The following VPS13B variants were observed in gnomAD, a reference collection of about 807,000 sequenced individuals.
VPS13B encodes the protein vacuolar protein sorting 13 homolog B, also known as intermembrane lipid transfer protein VPS13B.
In VPS13B, 285 loss-of-function variants were observed where a neutral mutation model predicts 426.4. That is an observed-to-expected ratio of 0.67 (90% CI 0.61 to 0.74). VPS13B has a LOEUF of 0.74. Ranked by LOEUF, VPS13B falls within the 30% of genes least tolerant of loss-of-function variation. The pLI, the probability that VPS13B is intolerant of heterozygous loss-of-function variation, is 0.00. For synonymous variants in VPS13B, 1,676 were observed against 1,676.4 expected (o/e 1.00, Z 0.01); for missense variants, 4,537 against 4,782.6 (o/e 0.95, Z 1.51).
At chr8:99,080,624 G>A (rs1469408848) in intron 3 of VPS13B, among the ~76,000 whole-genome samples, 2 of 152,070 alleles carry the variant, frequency 1.3e-5, no homozygotes, top group African/African-American at 2.4e-5. Context: ...TCATAATGTG[G>A]GGTGGAGGTA....
intron 60 of VPS13B, 27 bp from the exon 61 acceptor site, chr8:99,871,420 CT>C (rs1210188437): frequency 2.5e-6 from 4 of 1,614,036 alleles, no homozygotes; most frequent in Admixed American, 3.3e-5. Flanking sequence ...CAGCTGGCCC[CT>C]GGCCTCACTT....
At chr8:99,576,639 T>A (rs1258886583) in intron 32 of VPS13B, among the ~76,000 whole-genome samples, 1 of 152,192 alleles carries the variant, frequency 6.6e-6, no homozygotes, top group Admixed American at 6.5e-5. Flanking sequence ...AAGGGGAAGA[T>A]CTGTTGGACA....
intron 16 of VPS13B, among the ~76,000 whole-genome samples, chr8:99,178,154 AT>A (rs1812739303): frequency 6.8e-6 from 1 of 146,646 alleles, no homozygotes; most frequent in Admixed American, 6.7e-5. Context: ...TTTATTTTTT[AT>A]TTTATTTTTT....
At chr8:99,273,343 T>G (rs1271766604) in intron 17 of VPS13B, among the ~76,000 whole-genome samples, 1 of 151,938 alleles carries the variant, frequency 6.6e-6, no homozygotes, top group Non-Finnish European at 1.5e-5. Flanking sequence ...ACTTTTTTTT[T>G]TTTTAGTAGA....
chr8:99,636,495 A>T (rs1829073627), intron 33 of VPS13B, among the ~76,000 whole-genome samples: 1 of 151,962 alleles, frequency 6.6e-6, no homozygotes, highest in Non-Finnish European at 1.5e-5. Context: ...GTTCCATTTA[A>T]CATAACCCAT....
intron 35 of VPS13B, among the ~76,000 whole-genome samples, chr8:99,671,759 G>C (rs1174196430): frequency 6.6e-6 from 1 of 152,066 alleles, no homozygotes; most frequent in East Asian, 1.9e-4. Context: ...CTAGTGTCAA[G>C]GGATCCTCCT....
At chr8:99,579,626 G>A (rs969155575) in intron 33 of VPS13B, among the ~76,000 whole-genome samples, 3 of 151,690 alleles carry the variant, frequency 2.0e-5, no homozygotes, top group Admixed American at 6.6e-5. Context: ...TCTCCAACTC[G>A]TGACCTCGTG....
At chr8:99,509,510 T>A (rs1821675023) in intron 28 of VPS13B, among the ~76,000 whole-genome samples, 1 of 152,138 alleles carries the variant, frequency 6.6e-6, no homozygotes, top group Non-Finnish European at 1.5e-5. Context: ...GATAACTGAA[T>A]TGCATATTTT....
intron 17 of VPS13B, among the ~76,000 whole-genome samples, chr8:99,271,850 C>A (rs1192520705): frequency 6.6e-6 from 1 of 152,190 alleles, no homozygotes. Context: ...CCAGTTACTT[C>A]CCACCTGGTT....
At chr8:99,188,479 G>A (rs894176418) in intron 16 of VPS13B, among the ~76,000 whole-genome samples, 24 of 152,044 alleles carry the variant, frequency 1.6e-4, no homozygotes, top group Admixed American at 1.5e-3. Flanking sequence ...TTCATCAGTT[G>A]GGGTACATTT....
intron 7 of VPS13B, among the ~76,000 whole-genome samples, chr8:99,118,760 A>G (rs1478528950): frequency 6.6e-6 from 1 of 152,192 alleles, no homozygotes; most frequent in Non-Finnish European, 1.5e-5. Context: ...TGAATATACC[A>G]TGTGAATATA....
chr8:99,027,463 T>C (rs368759229), intron 2 of VPS13B, among the ~76,000 whole-genome samples: 120 of 152,254 alleles, frequency 7.9e-4, no homozygotes, highest in African/African-American at 2.4e-3. Context: ...CACTTCTTCA[T>C]GTTTTCATGA....
At chr8:99,427,388 G>C (rs1287284144) in intron 21 of VPS13B, among the ~76,000 whole-genome samples, 1 of 144,210 alleles carries the variant, frequency 6.9e-6, no homozygotes, top group African/African-American at 2.6e-5. Flanking sequence ...GATTGACTTG[G>C]CAATGCGGGC....
chr8:99,622,262 G>A (rs1828392941), intron 33 of VPS13B, among the ~76,000 whole-genome samples: 1 of 152,120 alleles, frequency 6.6e-6, no homozygotes, highest in Non-Finnish European at 1.5e-5. Flanking sequence ...ATTTTCTCCA[G>A]TTTATGTTGT....
intron 60 of VPS13B, 188 bp downstream of exon 60, chr8:99,871,075 C>A: frequency 3.0e-6 from 2 of 668,766 alleles, no homozygotes; most frequent in Non-Finnish European, 5.2e-6. Flanking sequence ...AGGTTTGGGG[C>A]TGGCTGCACA....
intron 17 of VPS13B, among the ~76,000 whole-genome samples, chr8:99,270,157 T>TTTTTTTTTTTTTTTTTTTTTTA (rs1491533254): frequency 7.5e-6 from 1 of 133,746 alleles, no homozygotes; most frequent in Non-Finnish European, 1.6e-5. Flanking sequence ...TTTTTTTTTT[T>TTTTTTTTTTTTTTTTTTTTTTA]GAGACAGAGT....
intron 31 of VPS13B, among the ~76,000 whole-genome samples, chr8:99,559,015 C>G (rs1469180058): frequency 6.6e-6 from 1 of 152,178 alleles, no homozygotes; most frequent in Non-Finnish European, 1.5e-5. Flanking sequence ...AACTAATTTA[C>G]AGTCCCACCA....
At chr8:99,578,882 C>T (rs1825902284) in intron 33 of VPS13B, among the ~76,000 whole-genome samples, 1 of 152,020 alleles carries the variant, frequency 6.6e-6, no homozygotes, top group African/African-American at 2.4e-5. Flanking sequence ...ACTTTTAATG[C>T]CTCTTAGGGG....
At chr8:99,819,306 A>C (rs1814228901) in intron 47 of VPS13B, 106 bp from the exon 48 acceptor site, 1 of 1,356,232 alleles carries the variant, frequency 7.4e-7, no homozygotes, top group Non-Finnish European at 1.0e-6. Flanking sequence ...CTATCTACCA[A>C]AAAGGTGTTG....
Sources: allele counts gnomAD v4.1 joint callset (sites outside exome capture counted in the v4.1 genomes callset), GRCh38; gene constraint gnomAD v4.1.1; transcripts MANE v1.5; gene names NCBI Gene and HGNC (gene_info 2026-07-23, HGNC 2026-07-21).